The following AGPAT4 variants were observed in gnomAD, a reference collection of about 807,000 sequenced individuals.
AGPAT4 encodes 1-acyl-sn-glycerol-3-phosphate acyltransferase delta.
AGPAT4 carries 15 observed loss-of-function variants against 48.0 expected under a neutral mutation model. The ratio of observed to expected loss-of-function variants is 0.31; its 90% CI spans 0.21 to 0.48. The LOEUF is 0.48. Ranked by LOEUF, AGPAT4 falls within the 20% of genes least tolerant of loss-of-function variation. AGPAT4 has a pLI of 0.99. For synonymous variants in AGPAT4, 178 were observed against 198.7 expected, an observed-to-expected ratio of 0.90 and a Z score of 0.88; for missense variants, 314 against 482.5, an observed-to-expected ratio of 0.65 and a Z score of 3.27.
chr6:161,267,993 T>G lies in AGPAT4; in HGVS notation c.-90+5945A>C, dbSNP rs62437578. 0.12 allele frequency among the ~76,000 whole-genome samples: 17,718 copies of G among 152,206 alleles called. 1,180 individuals are homozygous for G. The highest frequency in any genetic ancestry group is 0.14 in the Non-Finnish European group (9,699 of 67,990). On this transcript the variant is annotated intron_variant, in intron 1 of 8. Coordinates refer to ENST00000320285, the MANE Select transcript of AGPAT4 (RefSeq NM_020133.3). This position sits in a 1 kb window ranked among gnomAD's most constrained non-coding sequence, Gnocchi z 5.2. Reference sequence around the variant, plus strand: ...GACTGTGGAATATGCCATGGCAAGGTGTGAAGGTACAGGGGAAAGCAGAGC... The same window carrying G: ...GACTGTGGAATATGCCATGGCAAGGGGTGAAGGTACAGGGGAAAGCAGAGC...
At chr6:161,224,067 A>G (rs758977369) in intron 2 of AGPAT4, among the ~76,000 whole-genome samples, 4 of 152,194 alleles carry the variant, frequency 2.6e-5, no homozygotes, top group Admixed American at 6.5e-5. Flanking sequence ...CTTTAACTTG[A>G]TAAAGAATTT....
At position 161,221,304 on chromosome 6, in the gene AGPAT4, C is replaced by T. The variant is rs540748279; in HGVS notation, c.178+10732G>A. 1.3e-5 allele frequency among the ~76,000 whole-genome samples: 2 copies of T among 152,256 alleles called. No individual in the cohort carries two copies. The highest frequency in any genetic ancestry group is 2.4e-5 in the African/African-American group (1 of 41,562). ...ATATACAGTTTGTCACCTTCCTCCA[C>T]GTCCAATGTCACCAGCCAGCCGCAC... On this transcript the variant is annotated intron_variant, in intron 2 of 8. Transcript: ENST00000320285. This position sits in a 1 kb window ranked among gnomAD's most constrained non-coding sequence, Gnocchi z 4.5.
In AGPAT4 at chr6:161,149,245, T is replaced by C; in HGVS notation, c.709A>G (p.Asn237Asp). Residue 237 changes from asparagine to aspartate, a missense_variant, in exon 6 of 9, where the codon AAT (asparagine) becomes GAT (aspartate). Asn to Asp is a conservative substitution (Grantham distance 23). Transcript: ENST00000320285. The surrounding 1 kb of genome is among the most constrained non-coding windows in gnomAD (Gnocchi z 6.5). ...DCTLNFRNNE[N>D]PTLLGVLNGK... Reference sequence around the variant, plus strand: ...TTTAGGACTCCCAGCAGTGTTGGATTTTCATTATTTCTGAAATTGAGTGTA... The same window carrying C: ...TTTAGGACTCCCAGCAGTGTTGGATCTTCATTATTTCTGAAATTGAGTGTA... 1 of 1,613,466 alleles carries C rather than the reference T, an allele frequency of 6.2e-7. No individual in the cohort carries two copies. The highest frequency in any genetic ancestry group is 8.5e-7 in the Non-Finnish European group (1 of 1,179,938).
At chr6:161,183,638 T>TGAGGGGAGGA (rs1780665989) in intron 2 of AGPAT4, among the ~76,000 whole-genome samples, 1 of 37,826 alleles carries the variant, frequency 2.6e-5, no homozygotes, top group Non-Finnish European at 4.9e-5. Flanking sequence ...GGAGGGGAGG[T>TGAGGGGAGGA]GAGGGGAGGA....
At chr6:161,237,083 T>C (rs1403526600) in intron 1 of AGPAT4, among the ~76,000 whole-genome samples, 1 of 152,136 alleles carries the variant, frequency 6.6e-6, no homozygotes, top group African/African-American at 2.4e-5. Context: ...TTATTGGAAT[T>C]TTCCAGAAGG....
At chr6:161,186,640 G>A (rs1337500833) in intron 2 of AGPAT4, among the ~76,000 whole-genome samples, 2 of 151,992 alleles carry the variant, frequency 1.3e-5, no homozygotes, top group African/African-American at 4.8e-5. Flanking sequence ...CCTGTTAGAC[G>A]CCTCTGCTGG....
rs929433745 is a variant in AGPAT4 at position 161,259,767 on chromosome 6, C to A, written c.-90+14171G>T. Among the ~76,000 whole-genome samples the A allele has an allele frequency of 1.3e-5, 2 of 152,154 alleles. No homozygotes were observed. Among genetic ancestry groups the A allele is most frequent in the East Asian group, 1.9e-4 (1 of 5,138 alleles). The stretch of plus-strand genomic sequence containing the variant: ...AACAGGGCAACTCCTCAAATGTGAC[C>A]AAGGAAGAGAGTTAAGAACTGCCGA... On this transcript the variant is annotated intron_variant, in intron 1 of 8. Transcript: ENST00000320285. The surrounding 1 kb of genome is among the most constrained non-coding windows in gnomAD (Gnocchi z 4.9).
chr6:161,213,388 A>G (rs118093961), intron 2 of AGPAT4, among the ~76,000 whole-genome samples: 5,311 of 152,354 alleles, frequency 0.035, 139 homozygotes, highest in Non-Finnish European at 0.054. Context: ...CTTCAAAACT[A>G]TAGTACACCT....
intron 2 of AGPAT4, among the ~76,000 whole-genome samples, chr6:161,170,463 GTGCGCGCGCGCA>G: frequency 3.4e-5 from 1 of 29,200 alleles, no homozygotes; most frequent in African/African-American, 1.6e-4. Flanking sequence ...GCGTGCACAC[GTGCGCGCGCGCA>G]CACACACACA....
rs1782609399 is a variant in AGPAT4, at chr6:161,244,951, G to A, written c.-89-12649C>T. ...AAAACCAAGGAGATGCGAAGTGATA[G>A]CAACCAGAGCCAAAGGCCACGTAGC... On this transcript the variant is annotated intron_variant, in intron 1 of 8. Transcript: ENST00000320285. This position sits in a 1 kb window ranked among gnomAD's most constrained non-coding sequence, Gnocchi z 4.7. Among the ~76,000 whole-genome samples, 2 of 152,214 alleles carry A rather than the reference G, an allele frequency of 1.3e-5. No homozygotes were observed. Among genetic ancestry groups the A allele is most frequent in the Admixed American group, 1.3e-4 (2 of 15,290 alleles).
In AGPAT4 at chr6:161,272,688, C is replaced by T. The variant is rs527339847; in HGVS notation, c.-90+1250G>A. On this transcript the variant is annotated intron_variant, in intron 1 of 8. Transcript: ENST00000320285. The surrounding 1 kb of genome is among the most constrained non-coding windows in gnomAD (Gnocchi z 4.2). ...CAAGATGTGCCCTGTTCTCCCTGCC[C>T]GCCTCCCATTTCCCTAAACACACAC... Among the ~76,000 whole-genome samples, 2 of 148,004 alleles carry T rather than the reference C, an allele frequency of 1.4e-5. No homozygotes were observed. The highest frequency in any genetic ancestry group is 2.1e-4 in the South Asian group (1 of 4,766).
chr6:161,171,409 GGAAGGCA>G lies in AGPAT4; in HGVS notation c.179-4999_179-4993del, dbSNP rs1297755007. Among the ~76,000 whole-genome samples the G allele has an allele frequency of 1.3e-5, 2 of 152,192 alleles. No homozygotes were observed. Among genetic ancestry groups the G allele is most frequent in the Admixed American group, 1.3e-4 (2 of 15,282 alleles). ...CCTTCTTGCTGTGTCATCCCATAGG[GGAAGGCA>G]GAAGGCAGAAGGGCAAGCAAGCATG... On this transcript the variant is annotated intron_variant, in intron 2 of 8. Transcript: ENST00000320285. This position sits in a 1 kb window ranked among gnomAD's most constrained non-coding sequence, Gnocchi z 4.4.
In AGPAT4 at chr6:161,240,814, T is replaced by C. The variant is rs1782462308; in HGVS notation, c.-89-8512A>G. On this transcript the variant is annotated intron_variant, in intron 1 of 8. Coordinates refer to ENST00000320285, the MANE Select transcript of AGPAT4 (RefSeq NM_020133.3). The surrounding 1 kb of genome is among the most constrained non-coding windows in gnomAD (Gnocchi z 5.5). ...ACTTGTACAGGTCTGAGGAACGTGC[T>C]CTGTTCTCACTCCTGGCAGACAAGG... Among the ~76,000 whole-genome samples the C allele has an allele frequency of 6.6e-6, 1 of 152,190 alleles. No homozygotes were observed. Among genetic ancestry groups the C allele is most frequent in the Non-Finnish European group, 1.5e-5 (1 of 68,032 alleles).
rs1033721670 is a variant in AGPAT4, at chr6:161,217,378, T to C, written c.178+14658A>G. 6.6e-6 allele frequency among the ~76,000 whole-genome samples: 1 copy of C among 152,158 alleles called. No homozygotes were observed. The stretch of plus-strand genomic sequence containing the variant: ...TTTGAGCGTGCTTTAAAAAGCCTTA[T>C]GGTGTGTCAGATGGAGGACGCATTG... On this transcript the variant is annotated intron_variant, in intron 2 of 8. Transcript: ENST00000320285. This position sits in a 1 kb window ranked among gnomAD's most constrained non-coding sequence, Gnocchi z 4.9.
Position 161,238,944 on chromosome 6 carries a change from G to A in AGPAT4, c.-89-6642C>T, listed in dbSNP as rs1782396924. On this transcript the variant is annotated intron_variant, in intron 1 of 8. Coordinates refer to ENST00000320285, the MANE Select transcript of AGPAT4 (RefSeq NM_020133.3). This position sits in a 1 kb window ranked among gnomAD's most constrained non-coding sequence, Gnocchi z 5.2. ...CCTCTCCAGCCCTGCAGAACTGTGA[G>A]TCAATTAAACCTCTTTCCTTTATAA... 6.6e-6 allele frequency among the ~76,000 whole-genome samples: 1 copy of A among 152,180 alleles called. No homozygotes were observed. Among genetic ancestry groups the A allele is most frequent in the South Asian group, 2.1e-4 (1 of 4,828 alleles).
In AGPAT4 at chr6:161,158,583, C is replaced by T. The variant is rs1779828805; in HGVS notation, c.349-4273G>A. ...GGCTCCCCACAGCTCAGGGAAGCAGCCAGCCCCATGACCTGGTCTGCATCT... is the reference window on the plus strand; with the variant it reads ...GGCTCCCCACAGCTCAGGGAAGCAGTCAGCCCCATGACCTGGTCTGCATCT... On this transcript the variant is annotated intron_variant, in intron 3 of 8. Transcript: ENST00000320285. The surrounding 1 kb of genome is among the most constrained non-coding windows in gnomAD (Gnocchi z 5.3). Among the ~76,000 whole-genome samples, 1 of 152,168 alleles carries T rather than the reference C, an allele frequency of 6.6e-6. No homozygotes were observed. Among genetic ancestry groups the T allele is most frequent in the Admixed American group, 6.5e-5 (1 of 15,286 alleles).
Position 161,153,320 on chromosome 6 carries a change from GC to G in AGPAT4, c.664+25del. 2 of 1,592,754 alleles carry G rather than the reference GC, an allele frequency of 1.3e-6. 1 individual carries two copies. The highest frequency in any genetic ancestry group is 2.3e-5 in the South Asian group (2 of 88,000). On this transcript the variant is annotated intron_variant, in intron 5 of 8. Transcript: ENST00000320285. ...TTGTCTTCCTCGCTGCCACGGGGAG[GC>G]CCAGGGCCACGCACTCTTCCTTACC...
intron 2 of AGPAT4, among the ~76,000 whole-genome samples, chr6:161,205,452 A>T (rs1049565189): frequency 6.6e-6 from 1 of 152,198 alleles, no homozygotes; most frequent in Admixed American, 6.5e-5. Context: ...AGGGACACTG[A>T]AAGGTCAAAA....
In AGPAT4 at chr6:161,202,033, G is replaced by A. The variant is rs1350942432; in HGVS notation, c.178+30003C>T. Among the ~76,000 whole-genome samples, 8 of 152,154 alleles carry A rather than the reference G, an allele frequency of 5.3e-5. No individual in the cohort carries two copies. Among genetic ancestry groups the A allele is most frequent in the Admixed American group, 1.3e-4 (2 of 15,276 alleles). On this transcript the variant is annotated intron_variant, in intron 2 of 8. Transcript: ENST00000320285. This position sits in a 1 kb window ranked among gnomAD's most constrained non-coding sequence, Gnocchi z 5.4. ...CTCCTCCAGGAAGTCTACCTGACCC[G>A]GGAACCTGGACAAGGTGGCTCTCAT...
Sources: gnomAD v4.1 joint callset for allele counts (sites outside exome capture counted in the v4.1 genomes callset) on GRCh38, gnomAD v4.1.1 for gene constraint, Gnocchi (gnomAD v3.1) non-coding constraint, MANE v1.5 for transcripts, NCBI Gene and HGNC (gene_info 2026-07-23, HGNC 2026-07-21) for gene names.